Variants in CMIP observed in about 807,000 individuals in gnomAD.
The protein encoded by CMIP is C-Maf-inducing protein.
CMIP carries 13 observed loss-of-function variants against 97.3 expected under a neutral mutation model. That is an observed-to-expected ratio of 0.13 (90% CI 0.09 to 0.21). CMIP has a LOEUF of 0.21. Ranked by LOEUF, CMIP falls within the 10% of genes least tolerant of loss-of-function variation. CMIP has a pLI of 1.00. For missense variants in CMIP, 847 were observed against 1,024.9 expected (o/e 0.83, Z 2.37); for synonymous variants, 538 against 436.3 (o/e 1.23, Z -2.91).
At chr16:81,645,164 C>A (rs749885112) in intron 3 of CMIP, among the ~76,000 whole-genome samples, 15 of 152,360 alleles carry the variant, frequency 9.8e-5, no homozygotes, top group Non-Finnish European at 1.8e-4. Context: ...TGTGCGTAGC[C>A]ACCTGGGGCT....
intron 1 of CMIP, chr16:81,495,399 A>G: frequency 1.9e-5 from 30 of 1,560,542 alleles, no homozygotes; most frequent in Non-Finnish European, 2.5e-5. Flanking sequence ...GAGAACAACA[A>G]ACCAAGCCGG....
chr16:81,607,772 G>A, intron 2 of CMIP, 80 bp downstream of exon 2: 9 of 1,451,020 alleles, frequency 6.2e-6, no homozygotes, highest in East Asian at 2.3e-5. Context: ...CTTGGAGGGA[G>A]CCAGCAGCTA....
intron 10 of CMIP, among the ~76,000 whole-genome samples, chr16:81,686,372 C>T (rs1905389364): frequency 6.6e-6 from 1 of 152,200 alleles, no homozygotes; most frequent in African/African-American, 2.4e-5. Flanking sequence ...GCTCCTGCAG[C>T]TCTGAGAACC....
intron 8 of CMIP, among the ~76,000 whole-genome samples, chr16:81,671,589 T>A (rs1259960521): frequency 6.6e-6 from 1 of 152,232 alleles, no homozygotes; most frequent in Admixed American, 6.5e-5. Context: ...CACCATTTGC[T>A]AGGTCTCTCT....
chr16:81,547,643 G>A (rs1393492928), intron 1 of CMIP, among the ~76,000 whole-genome samples: 1 of 151,976 alleles, frequency 6.6e-6, no homozygotes, highest in Non-Finnish European at 1.5e-5. Flanking sequence ...AGGAAGGAAG[G>A]GATCTCCTCA....
intron 1 of CMIP, among the ~76,000 whole-genome samples, chr16:81,482,835 G>A (rs1184559136): frequency 6.6e-6 from 1 of 152,220 alleles, no homozygotes; most frequent in African/African-American, 2.4e-5. Context: ...GGTGAGATAG[G>A]GCCTGACTCA....
chr16:81,523,434 C>T (rs2090068162), intron 1 of CMIP, among the ~76,000 whole-genome samples: 1 of 152,150 alleles, frequency 6.6e-6, no homozygotes. Flanking sequence ...GACGTGGGGC[C>T]CACAGTCACA....
intron 1 of CMIP, among the ~76,000 whole-genome samples, chr16:81,554,027 G>T (rs1037159608): frequency 6.6e-6 from 1 of 152,214 alleles, no homozygotes; most frequent in African/African-American, 2.4e-5. Context: ...GGAAGGCGAG[G>T]CTGCCCTGTG....
chr16:81,650,427 A>G (rs536648460), intron 3 of CMIP, among the ~76,000 whole-genome samples: 2 of 152,252 alleles, frequency 1.3e-5, no homozygotes, highest in East Asian at 1.9e-4. Context: ...AGAGAGAAGG[A>G]GAAAGAAGGA....
At chr16:81,666,083 G>T (rs908824071) in intron 7 of CMIP, 2 of 152,248 alleles carry the variant, frequency 1.3e-5, no homozygotes, top group African/African-American at 4.8e-5. Context: ...CCCCACTGGG[G>T]GATGGGGCGG....
At chr16:81,612,135 G>C (rs1278315179) in intron 2 of CMIP, among the ~76,000 whole-genome samples, 2 of 152,220 alleles carry the variant, frequency 1.3e-5, no homozygotes, top group African/African-American at 4.8e-5. Flanking sequence ...ACGTCCTGAA[G>C]GTGCTGTCAC....
intron 3 of CMIP, among the ~76,000 whole-genome samples, chr16:81,638,642 C>T (rs2150984907): frequency 6.6e-6 from 1 of 152,172 alleles, no homozygotes; most frequent in East Asian, 1.9e-4. Context: ...CCGGCAGCTT[C>T]TGCCTGCACC....
intron 4 of CMIP, among the ~76,000 whole-genome samples, chr16:81,654,239 T>TATC (rs2092459802): frequency 6.6e-6 from 1 of 151,914 alleles, no homozygotes; most frequent in Non-Finnish European, 1.5e-5. Flanking sequence ...GCTTTATTAT[T>TATC]ATTATTATTA....
At chr16:81,630,056 G>T (rs2092133015) in intron 3 of CMIP, 1 of 152,224 alleles carries the variant, frequency 6.6e-6, no homozygotes, top group African/African-American at 2.4e-5. Flanking sequence ...GACTGCCCAG[G>T]TTCCAACCCT....
chr16:81,701,235 G>A (rs1292005037), intron 15 of CMIP, among the ~76,000 whole-genome samples: 1 of 152,174 alleles, frequency 6.6e-6, no homozygotes, highest in Non-Finnish European at 1.5e-5. Context: ...GAAGCTGTGT[G>A]GTAGATGGGC....
At chr16:81,566,103 C>T (rs1156756307) in intron 1 of CMIP, among the ~76,000 whole-genome samples, 1 of 152,332 alleles carries the variant, frequency 6.6e-6, no homozygotes, top group South Asian at 2.1e-4. Context: ...ACAAGCGAGG[C>T]TTCTGCCACT....
At chr16:81,620,790 T>G (rs2091982121) in intron 2 of CMIP, 86 bp from the exon 3 acceptor site, 2 of 1,513,118 alleles carry the variant, frequency 1.3e-6, no homozygotes, top group South Asian at 2.3e-5. Context: ...CAGAGCAGGC[T>G]TGGGGGCTCA....
chr16:81,553,450 C>T (rs945326037), intron 1 of CMIP, among the ~76,000 whole-genome samples: 2 of 152,190 alleles, frequency 1.3e-5, no homozygotes, highest in East Asian at 1.9e-4. Flanking sequence ...TTCCTCCTCT[C>T]GGGCCAGAAA....
At chr16:81,465,158 G>A (rs1214165233) in intron 1 of CMIP, among the ~76,000 whole-genome samples, 2 of 152,142 alleles carry the variant, frequency 1.3e-5, no homozygotes, top group Non-Finnish European at 2.9e-5. Context: ...GTTAGATAAC[G>A]CAAATAAACA....
Sources: gnomAD v4.1 joint callset for allele counts (sites outside exome capture counted in the v4.1 genomes callset) on GRCh38, gnomAD v4.1.1 for gene constraint, MANE v1.5 for transcripts, NCBI Gene and HGNC (gene_info 2026-07-23, HGNC 2026-07-21) for gene names.